Variants in ZFHX3 observed in about 807,000 individuals in gnomAD.
The protein encoded by ZFHX3 is zinc finger homeobox protein 3.
A neutral mutation model predicts 279.1 loss-of-function variants in ZFHX3; 42 were observed. That is an observed-to-expected ratio of 0.15 (90% CI 0.12 to 0.19). The LOEUF is 0.19. Ranked by LOEUF, ZFHX3 falls within the 10% of genes least tolerant of loss-of-function variation. ZFHX3 has a pLI of 1.00. For synonymous variants in ZFHX3, 2,293 were observed against 1,957.8 expected (o/e 1.17, Z -4.52); for missense variants, 4,981 against 4,754.0 (o/e 1.05, Z -1.40).
intron 1 of ZFHX3, among the ~76,000 whole-genome samples, chr16:72,966,285 C>T (rs1025722075): frequency 1.3e-5 from 2 of 152,194 alleles, no homozygotes; most frequent in Non-Finnish European, 2.9e-5. Flanking sequence ...TGAGTTGGAA[C>T]AACAGGCCCA....
intron 3 of ZFHX3, among the ~76,000 whole-genome samples, chr16:73,373,569 C>T (rs1483725196): frequency 1.3e-5 from 2 of 152,164 alleles, no homozygotes; most frequent in Non-Finnish European, 2.9e-5. Context: ...AACCGAGCTA[C>T]CACCAAATGA....
Position 73,852,181 on chromosome 16 carries a change from G to T in ZFHX3, c.-1608+39470C>A, listed in dbSNP as rs141998962. Among the ~76,000 whole-genome samples, 22 of 152,294 alleles carry T rather than the reference G, an allele frequency of 1.4e-4. No individual in the cohort carries two copies. The East Asian group carries it at 4.1e-3, about 28-fold the overall frequency. On this transcript the variant is annotated intron_variant, in intron 1 of 17. Coordinates refer to the ZFHX3 transcript ENST00000641206. ...CTGCCAGGTAAGTCAAGGGATAACT[G>T]CAGGCTGTTTTGTTCCAGACTCTAT...
chr16:73,519,156 A>C (rs571021305), intron 2 of ZFHX3, among the ~76,000 whole-genome samples: 2 of 152,244 alleles, frequency 1.3e-5, no homozygotes, highest in African/African-American at 4.8e-5. Context: ...GAAGCCCAGG[A>C]ATTTTCTCCA....
chr16:73,618,272 A>T (rs2052325068), intron 2 of ZFHX3, among the ~76,000 whole-genome samples: 1 of 152,228 alleles, frequency 6.6e-6, no homozygotes, highest in South Asian at 2.1e-4. Flanking sequence ...CCCGCTGGTG[A>T]TTCTCCACCA....
chr16:73,237,083 T>C (rs1330477988), intron 5 of ZFHX3, among the ~76,000 whole-genome samples: 2 of 152,198 alleles, frequency 1.3e-5, no homozygotes, highest in African/African-American at 4.8e-5. Flanking sequence ...TAGCTAACTT[T>C]ACAGATGAGG....
At chr16:73,190,987 C>A (rs1324143380) in intron 5 of ZFHX3, among the ~76,000 whole-genome samples, 2 of 151,826 alleles carry the variant, frequency 1.3e-5, no homozygotes. Flanking sequence ...TACTAAAAAC[C>A]CTTTTTAGTT....
chr16:73,636,440 T>C (rs1567539051), intron 2 of ZFHX3, among the ~76,000 whole-genome samples: 1 of 152,184 alleles, frequency 6.6e-6, no homozygotes, highest in African/African-American at 2.4e-5. Context: ...TAGGATGTAA[T>C]GTATATTGGC....
intron 1 of ZFHX3, among the ~76,000 whole-genome samples, chr16:73,710,326 C>T (rs1436688474): frequency 1.3e-5 from 2 of 152,170 alleles, no homozygotes; most frequent in Non-Finnish European, 2.9e-5. Flanking sequence ...TTAAATGAGA[C>T]TTAAAGGTTT....
chr16:73,483,049 C>T (rs912979538), intron 2 of ZFHX3, among the ~76,000 whole-genome samples: 1 of 152,182 alleles, frequency 6.6e-6, no homozygotes, highest in Non-Finnish European at 1.5e-5. Context: ...TTCCTCCGCT[C>T]CCTCTTCCCC....
intron 1 of ZFHX3, among the ~76,000 whole-genome samples, chr16:73,799,323 T>C (rs1465089280): frequency 3.3e-5 from 5 of 152,226 alleles, no homozygotes; most frequent in African/African-American, 4.8e-5. Flanking sequence ...GTAAATGATG[T>C]GTATCTTATT....
At chr16:72,798,887 C>T (rs1311229579) in intron 8 of ZFHX3, among the ~76,000 whole-genome samples, 173 bp from the exon 9 acceptor site, 6 of 152,186 alleles carry the variant, frequency 3.9e-5, no homozygotes, top group Admixed American at 3.9e-4. Context: ...TTCTTTTGTT[C>T]CTCCAATAGA....
intron 1 of ZFHX3, among the ~76,000 whole-genome samples, chr16:73,819,484 C>A (rs1270641122): frequency 6.6e-6 from 1 of 151,940 alleles, no homozygotes; most frequent in Non-Finnish European, 1.5e-5. Flanking sequence ...CCTTTCCCAC[C>A]AGAAAATCTT....
At chr16:72,817,533 T>C (rs933852974) in intron 5 of ZFHX3, among the ~76,000 whole-genome samples, 1 of 152,184 alleles carries the variant, frequency 6.6e-6, no homozygotes, top group Admixed American at 6.5e-5. Flanking sequence ...AGAATTAGTT[T>C]CTGTGTTTCC....
chr16:73,775,258 C>T (rs1352868167), intron 1 of ZFHX3, among the ~76,000 whole-genome samples: 1 of 152,142 alleles, frequency 6.6e-6, no homozygotes, highest in Non-Finnish European at 1.5e-5. Context: ...GAGAGGTCTC[C>T]GCTTTTCCTT....
chr16:73,504,890 G>C (rs2019298594), intron 2 of ZFHX3: 1 of 152,132 alleles, frequency 6.6e-6, no homozygotes, highest in African/African-American at 2.4e-5. Context: ...CTGGTGGGAA[G>C]TGGAATCACA....
At chr16:73,042,725 G>T (rs913665764) in intron 1 of ZFHX3, among the ~76,000 whole-genome samples, 3 of 152,072 alleles carry the variant, frequency 2.0e-5, no homozygotes, top group African/African-American at 7.2e-5. Flanking sequence ...TTTTGGGACA[G>T]TGGATGAAAT....
chr16:73,216,933 G>A (rs1406456880), intron 5 of ZFHX3, among the ~76,000 whole-genome samples: 1 of 152,150 alleles, frequency 6.6e-6, no homozygotes, highest in Non-Finnish European at 1.5e-5. Flanking sequence ...ATCCCTGAAG[G>A]TCGTAAAGAC....
intron 3 of ZFHX3, among the ~76,000 whole-genome samples, chr16:72,903,479 C>T (rs2039090928): frequency 6.6e-6 from 1 of 152,166 alleles, no homozygotes; most frequent in South Asian, 2.1e-4. Flanking sequence ...ATAACCTCCT[C>T]ATATGTTACA....
intron 4 of ZFHX3, among the ~76,000 whole-genome samples, chr16:73,285,907 A>T (rs56091557): frequency 1.3e-5 from 2 of 152,304 alleles, no homozygotes; most frequent in South Asian, 4.1e-4. Context: ...CTGGCTGACT[A>T]GTGTCAAGCC....
Sources: allele counts gnomAD v4.1 joint callset (sites outside exome capture counted in the v4.1 genomes callset), GRCh38; gene constraint gnomAD v4.1.1; transcripts MANE v1.5; gene names NCBI Gene and HGNC (gene_info 2026-07-23, HGNC 2026-07-21).